Variants in ASB13 observed in about 807,000 individuals in gnomAD.
The protein encoded by ASB13 is ankyrin repeat and SOCS box containing 13.
In ASB13, 33 loss-of-function variants were observed where a neutral mutation model predicts 28.8. That is an observed-to-expected ratio of 1.15 (90% CI 0.87 to 1.53). ASB13 has a LOEUF of 1.53. ASB13 is among the 40% of genes most tolerant of loss of function. ASB13 has a pLI of 0.00. For missense variants in ASB13, 414 were observed against 390.1 expected, an observed-to-expected ratio of 1.06 and a Z score of -0.52; for synonymous variants, 182 against 172.9, an observed-to-expected ratio of 1.05 and a Z score of -0.41.
In ASB13 at chr10:5,649,379, C is replaced by T. The variant is rs953760058; in HGVS notation, c.383-275G>A. ...TGTGAGAACAGAAGACATGGGGCACCACCTAGAATGGGTCAGGGAAAACTC... is the reference window on the plus strand; with the variant it reads ...TGTGAGAACAGAAGACATGGGGCACTACCTAGAATGGGTCAGGGAAAACTC... On this transcript the variant is annotated intron_variant, in intron 3 of 5. Transcript: ENST00000357700. The surrounding 1 kb of genome is among the most constrained non-coding windows in gnomAD (Gnocchi z 6.4). Among the ~76,000 whole-genome samples, 137 of 152,196 alleles carry T rather than the reference C, an allele frequency of 9.0e-4. 2 individuals carry two copies. The highest frequency in any genetic ancestry group is 2.8e-4 in the Non-Finnish European group (19 of 68,034).
intron 1 of ASB13, among the ~76,000 whole-genome samples, chr10:5,662,573 GA>G (rs1835188929): frequency 1.2e-5 from 1 of 86,168 alleles, no homozygotes; most frequent in Admixed American, 1.2e-4. Flanking sequence ...GGGGAGAAGA[GA>G]AGAGAAGAGA....
Position 5,649,834 on chromosome 10 carries a change from T to C in ASB13, c.383-730A>G, listed in dbSNP as rs1384869082. On this transcript the variant is annotated intron_variant, in intron 3 of 5. Coordinates refer to ENST00000357700, the MANE Select transcript of ASB13 (RefSeq NM_024701.4). This position sits in a 1 kb window ranked among gnomAD's most constrained non-coding sequence, Gnocchi z 6.4. ...ATGAGCCACAGCGCCCGGCCTCTCCTGCCTCTTAAGTGGCTCCTCTTCCTG... is the reference window on the plus strand; with the variant it reads ...ATGAGCCACAGCGCCCGGCCTCTCCCGCCTCTTAAGTGGCTCCTCTTCCTG... Among the ~76,000 whole-genome samples, 5 of 152,334 alleles carry C rather than the reference T, an allele frequency of 3.3e-5. No homozygotes were observed. In the East Asian group the frequency reaches 9.7e-4, roughly 29 times the overall value.
rs974838072 is a variant in ASB13, at chr10:5,642,147, T to A, written c.518-186A>T. 1.3e-5 allele frequency among the ~76,000 whole-genome samples: 2 copies of A among 152,156 alleles called. No homozygotes were observed. Among genetic ancestry groups the A allele is most frequent in the African/African-American group, 4.8e-5 (2 of 41,436 alleles). ...ACATCCAAAAGCAGGAACTACTTAC[T>A]GTCCCCACTCATGAGAGATAAAGGT... On this transcript the variant is annotated intron_variant, in intron 4 of 5. Coordinates refer to ENST00000357700, the MANE Select transcript of ASB13 (RefSeq NM_024701.4). The surrounding 1 kb of genome is among the most constrained non-coding windows in gnomAD (Gnocchi z 4.1).
chr10:5,651,185 G>C lies in ASB13; in HGVS notation c.382+28C>G. The C allele has an allele frequency of 6.3e-7, 1 of 1,577,986 alleles. No homozygotes were observed. Among genetic ancestry groups the C allele is most frequent in the Non-Finnish European group, 8.6e-7 (1 of 1,160,870 alleles). Reference sequence around the variant, plus strand: ...AGGAGGAAACTTCCAGAGCCCAGCTGGGCCAGCCCAGCCGTCTGCCAACTC... The same window carrying C: ...AGGAGGAAACTTCCAGAGCCCAGCTCGGCCAGCCCAGCCGTCTGCCAACTC... On this transcript the variant is annotated intron_variant, in intron 3 of 5. Coordinates refer to ENST00000357700, the MANE Select transcript of ASB13 (RefSeq NM_024701.4). The surrounding 1 kb of genome is among the most constrained non-coding windows in gnomAD (Gnocchi z 5.1).
rs1346920380 is a variant in ASB13, at chr10:5,651,791, C to T, written c.232-428G>A. On this transcript the variant is annotated intron_variant, in intron 2 of 5. Transcript: ENST00000357700. This position sits in a 1 kb window ranked among gnomAD's most constrained non-coding sequence, Gnocchi z 5.1. ...GCGAGGAGGGAGGGTCACTTGAGCTCAGGAGTTCAAGACCAGCCTGGGCAA... is the reference window on the plus strand; with the variant it reads ...GCGAGGAGGGAGGGTCACTTGAGCTTAGGAGTTCAAGACCAGCCTGGGCAA... Among the ~76,000 whole-genome samples the T allele has an allele frequency of 6.6e-6, 1 of 151,926 alleles. No individual in the cohort carries two copies. The highest frequency in any genetic ancestry group is 1.5e-5 in the Non-Finnish European group (1 of 67,992).
Position 5,652,811 on chromosome 10 carries a change from C to G in ASB13, c.231+52G>C. Reference sequence around the variant, plus strand: ...CCAAGTTCTCCTGAGTCAACCTCCTCCATTCTGGCAGCTGCAGCCAGTCTG... The same window carrying G: ...CCAAGTTCTCCTGAGTCAACCTCCTGCATTCTGGCAGCTGCAGCCAGTCTG... On this transcript the variant is annotated intron_variant, in intron 2 of 5. Coordinates refer to ENST00000357700, the MANE Select transcript of ASB13 (RefSeq NM_024701.4). The surrounding 1 kb of genome is among the most constrained non-coding windows in gnomAD (Gnocchi z 5.0). 1.4e-6 allele frequency: 2 copies of G among 1,463,320 alleles called. No individual in the cohort carries two copies. Among genetic ancestry groups the G allele is most frequent in the Non-Finnish European group, 9.1e-7 (1 of 1,104,038 alleles). The allele number at this position is 1,463,320 out of a possible 1,614,324, so 90.6% of individuals were successfully genotyped here. A position where few individuals can be genotyped will look rare whatever the true frequency, so the allele number is the denominator to read the frequency against.
rs1001543933 is a variant in ASB13, at chr10:5,663,794, C to A, written c.43+2715G>T. Reference sequence around the variant, plus strand: ...GTGTCAACAGGCCCTCTTTGAATTCCTATTTTAGGATAAAATAGCCGCCCA... The same window carrying A: ...GTGTCAACAGGCCCTCTTTGAATTCATATTTTAGGATAAAATAGCCGCCCA... On this transcript the variant is annotated intron_variant, in intron 1 of 5. Transcript: ENST00000357700. The surrounding 1 kb of genome is among the most constrained non-coding windows in gnomAD (Gnocchi z 4.9). Among the ~76,000 whole-genome samples the A allele has an allele frequency of 6.6e-6, 1 of 152,126 alleles. No homozygotes were observed. Among genetic ancestry groups the A allele is most frequent in the African/African-American group, 2.4e-5 (1 of 41,410 alleles).
At chr10:5,647,069 AC>A (rs1374370990) in intron 4 of ASB13, among the ~76,000 whole-genome samples, 1 of 152,216 alleles carries the variant, frequency 6.6e-6, no homozygotes, top group Non-Finnish European at 1.5e-5. Flanking sequence ...ACTACACATA[AC>A]TAAGCTCAAA....
chr10:5,641,658 A>C lies in ASB13; in HGVS notation c.709+112T>G. 2 of 1,165,198 alleles carry C rather than the reference A, an allele frequency of 1.7e-6. No homozygotes were observed. Among genetic ancestry groups the C allele is most frequent in the South Asian group, 1.5e-5 (1 of 66,730 alleles). The allele number at this position is 1,165,198 out of a possible 1,614,324, so 72.2% of individuals were successfully genotyped here. ...AAGGGTCTGTCCTAGCGCAGAGGAC[A>C]GGAGCCAGGACTAACAGCCCAGCTC... On this transcript the variant is annotated intron_variant, in intron 5 of 5. Transcript: ENST00000357700. This position sits in a 1 kb window ranked among gnomAD's most constrained non-coding sequence, Gnocchi z 8.4.
rs1835165425 is a variant in ASB13 at position 5,661,461 on chromosome 10, C to T, written c.43+5048G>A. Among the ~76,000 whole-genome samples, 1 of 152,180 alleles carries T rather than the reference C, an allele frequency of 6.6e-6. No individual in the cohort carries two copies. Among genetic ancestry groups the T allele is most frequent in the Non-Finnish European group, 1.5e-5 (1 of 68,024 alleles). On this transcript the variant is annotated intron_variant, in intron 1 of 5. Coordinates refer to ENST00000357700, the MANE Select transcript of ASB13 (RefSeq NM_024701.4). The surrounding 1 kb of genome is among the most constrained non-coding windows in gnomAD (Gnocchi z 4.9). Reference sequence around the variant, plus strand: ...TGGCTTTGAATCCAGGTCAAATACCCAAGATGCACCTTTTTTCCTATTTTG... The same window carrying T: ...TGGCTTTGAATCCAGGTCAAATACCTAAGATGCACCTTTTTTCCTATTTTG...
chr10:5,640,751 G>A lies in ASB13; in HGVS notation c.789C>T (p.Ala263=). Residue 263 remains alanine (A), a synonymous_variant, in exon 6 of 6, where the codon GCC becomes GCT. Coordinates refer to ENST00000357700, the MANE Select transcript of ASB13 (RefSeq NM_024701.4). ...TGAGCCGGGGCGGGATGTTTAACTT[G>A]GCAATCTTCTCCAGCCCTCGGACGC... ...ATGVRGLEKI[A]KLNIPPRLID... 1 of 1,614,132 alleles carries A rather than the reference G, an allele frequency of 6.2e-7. No individual in the cohort carries two copies. The highest frequency in any genetic ancestry group is 8.5e-7 in the Non-Finnish European group (1 of 1,180,024).
Position 5,641,936 on chromosome 10 carries a change from A to G in ASB13, c.543T>C (p.Leu181=). 1 of 1,609,814 alleles carries G rather than the reference A, an allele frequency of 6.2e-7. No homozygotes were observed. Reference sequence around the variant, plus strand: ...CCGCGTGGTGAAGGGCAGTCTCATGAAGCTTTGCCGCATTCACGTTGGCCC... The same window carrying G: ...CCGCGTGGTGAAGGGCAGTCTCATGGAGCTTTGCCGCATTCACGTTGGCCC... ...NAGANVNAAK[L]HETALHHAAK... Residue 181 remains leucine (L), a synonymous_variant, in exon 5 of 6, where the codon CTT becomes CTC. Coordinates refer to ENST00000357700, the MANE Select transcript of ASB13 (RefSeq NM_024701.4). This position sits in a 1 kb window ranked among gnomAD's most constrained non-coding sequence, Gnocchi z 8.4.
intron 4 of ASB13, 152 bp downstream of exon 4, chr10:5,648,818 C>A (rs996377586): frequency 7.0e-7 from 1 of 1,437,066 alleles, no homozygotes; most frequent in Non-Finnish European, 9.4e-7. Context: ...CGGTAAACAC[C>A]CACGCGGGCA....
At chr10:5,666,475 G>A (rs1267246876) in intron 1 of ASB13, 34 bp downstream of exon 1, 2 of 1,291,362 alleles carry the variant, frequency 1.5e-6, no homozygotes, top group Non-Finnish European at 2.0e-6. Context: ...CGGCGCCGCT[G>A]CCTCGCTCTG....
At position 5,658,618 on chromosome 10, in the gene ASB13, A is replaced by C. The variant is rs1447067593; in HGVS notation, c.44-5568T>G. On this transcript the variant is annotated intron_variant, in intron 1 of 5. Transcript: ENST00000357700. The surrounding 1 kb of genome is among the most constrained non-coding windows in gnomAD (Gnocchi z 4.2). ...GAATTTCAGTTTTACAGGATGAAAA[A>C]GTTCTAGAGATCTGTTACACAAAAA... Among the ~76,000 whole-genome samples the C allele has an allele frequency of 1.3e-5, 2 of 152,194 alleles. No individual in the cohort carries two copies. Among genetic ancestry groups the C allele is most frequent in the Non-Finnish European group, 2.9e-5 (2 of 68,036 alleles).
chr10:5,651,622 G>T lies in ASB13; in HGVS notation c.232-259C>A. 1 of 434,492 alleles carries T rather than the reference G, an allele frequency of 2.3e-6. No individual in the cohort carries two copies. Among genetic ancestry groups the T allele is most frequent in the Non-Finnish European group, 4.1e-6 (1 of 241,022 alleles). 26.9% of individuals were successfully genotyped at this position (434,492 alleles called of 1,614,324 possible). A position where few individuals can be genotyped will look rare whatever the true frequency, so the allele number is the denominator to read the frequency against. ...GCTCAGCAGCCCCCTCGCCACCCCC[G>T]CCCCAAACACCTAGTAAGCACAGAG... On this transcript the variant is annotated intron_variant, in intron 2 of 5. Transcript: ENST00000357700. The surrounding 1 kb of genome is among the most constrained non-coding windows in gnomAD (Gnocchi z 5.1).
chr10:5,647,499 C>T (rs772232262), intron 4 of ASB13, among the ~76,000 whole-genome samples: 6 of 152,104 alleles, frequency 3.9e-5, no homozygotes, highest in East Asian at 1.9e-4. Flanking sequence ...TTCGAACACC[C>T]GACAATGGCC....
intron 1 of ASB13, among the ~76,000 whole-genome samples, chr10:5,666,162 C>G (rs1835255489): frequency 6.6e-6 from 1 of 152,200 alleles, no homozygotes; most frequent in South Asian, 2.1e-4. Context: ...GTTTCCCAGG[C>G]TCTCCCCCGC....
Position 5,642,536 on chromosome 10 carries a change from G to C in ASB13, c.518-575C>G. 1 of 1,251,344 alleles carries C rather than the reference G, an allele frequency of 8.0e-7. No homozygotes were observed. The highest frequency in any genetic ancestry group is 1.6e-5 in the African/African-American group (1 of 63,262). The allele number at this position is 1,251,344 out of a possible 1,614,324, so 77.5% of individuals were successfully genotyped here. A position where few individuals can be genotyped will look rare whatever the true frequency, so the allele number is the denominator to read the frequency against. On this transcript the variant is annotated intron_variant, in intron 4 of 5. Coordinates refer to ENST00000357700, the MANE Select transcript of ASB13 (RefSeq NM_024701.4). The surrounding 1 kb of genome is among the most constrained non-coding windows in gnomAD (Gnocchi z 4.1). ...GCACTCCTCAACTTTCTCACGATAA[G>C]AGCAGACATTCATCAAGCTGATTAA...
Sources: gnomAD v4.1 joint callset for allele counts (sites outside exome capture counted in the v4.1 genomes callset) on GRCh38, gnomAD v4.1.1 for gene constraint, Gnocchi (gnomAD v3.1) non-coding constraint, MANE v1.5 for transcripts, NCBI Gene and HGNC (gene_info 2026-07-23, HGNC 2026-07-21) for gene names.